Variants in STRN observed in about 807,000 individuals in gnomAD.
STRN encodes protein phosphatase 2 regulatory subunit B'''alpha.
In STRN, 53 loss-of-function variants were observed where a neutral mutation model predicts 96.3. That is an observed-to-expected ratio of 0.55 (90% CI 0.44 to 0.69). STRN has a LOEUF of 0.69. STRN is among the 30% of genes least tolerant of loss of function. STRN has a pLI of 0.00. For missense variants in STRN, 987 were observed against 963.9 expected, an observed-to-expected ratio of 1.02 and a Z score of -0.32; for synonymous variants, 428 against 355.9, an observed-to-expected ratio of 1.20 and a Z score of -2.28.
intron 2 of STRN, among the ~76,000 whole-genome samples, chr2:36,921,570 A>G (rs1289654141): frequency 6.6e-6 from 1 of 152,218 alleles, no homozygotes; most frequent in Non-Finnish European, 1.5e-5. Context: ...AAAGTCTCTC[A>G]TAATTCAGAT....
chr2:36,951,604 T>C (rs1194791690), intron 1 of STRN, among the ~76,000 whole-genome samples: 2 of 152,196 alleles, frequency 1.3e-5, no homozygotes, highest in Admixed American at 1.3e-4. Context: ...GATATACATA[T>C]ATAGACACAT....
intron 6 of STRN, 131 bp downstream of exon 6, chr2:36,899,392 T>C: frequency 1.2e-6 from 1 of 855,150 alleles, no homozygotes; most frequent in South Asian, 3.7e-5. Context: ...CAAACTCTCA[T>C]AAATGTCTCC....
intron 13 of STRN, among the ~76,000 whole-genome samples, chr2:36,859,211 T>G (rs531563455): frequency 1.3e-5 from 2 of 152,240 alleles, no homozygotes; most frequent in African/African-American, 4.8e-5. Context: ...ATCAAGTATG[T>G]ATTTAATAAG....
At chr2:36,861,375 G>T (rs1476005737) in intron 12 of STRN, 122 bp from the exon 13 acceptor site, 3 of 1,244,036 alleles carry the variant, frequency 2.4e-6, no homozygotes, top group African/African-American at 3.0e-5. Context: ...TATAAAAAAT[G>T]AAAACACAGG....
intron 11 of STRN, among the ~76,000 whole-genome samples, chr2:36,868,265 A>T (rs980337808): frequency 6.6e-6 from 1 of 152,256 alleles, no homozygotes; most frequent in Admixed American, 6.5e-5. Context: ...AAAAATGGGA[A>T]TAACACCAAA....
chr2:36,966,127 G>T, intron 1 of STRN, 103 bp downstream of exon 1: 2 of 1,303,966 alleles, frequency 1.5e-6, no homozygotes, highest in South Asian at 1.8e-5. Flanking sequence ...CAGCAAAGGG[G>T]GAGGGGACGC....
chr2:36,867,953 A>T (rs1021540449), intron 11 of STRN, 92 bp from the exon 12 acceptor site: 15 of 980,588 alleles, frequency 1.5e-5, no homozygotes, highest in Admixed American at 7.5e-5. Flanking sequence ...AAATACAAAC[A>T]TTATGGGAAT....
At chr2:36,878,194 G>C in intron 9 of STRN, among the ~76,000 whole-genome samples, 167 bp from the exon 10 acceptor site, 1 of 152,142 alleles carries the variant, frequency 6.6e-6, no homozygotes, top group Non-Finnish European at 1.5e-5. Flanking sequence ...ATAATTTATT[G>C]CTTTTTCCAT....
At chr2:36,882,109 T>C (rs374063847) in intron 9 of STRN, among the ~76,000 whole-genome samples, 1 of 152,144 alleles carries the variant, frequency 6.6e-6, no homozygotes, top group African/African-American at 2.4e-5. Context: ...AAAATTTCAC[T>C]GAAGAAGTAT....
chr2:36,886,859 T>A (rs753848874), intron 7 of STRN, 33 bp from the exon 8 acceptor site: 1 of 1,554,926 alleles, frequency 6.4e-7, no homozygotes, highest in Middle Eastern at 1.7e-4. Context: ...AACAGCCTTT[T>A]TCAATAAAAT....
At chr2:36,934,196 G>A (rs986715719) in intron 1 of STRN, among the ~76,000 whole-genome samples, 1 of 152,096 alleles carries the variant, frequency 6.6e-6, no homozygotes, top group African/African-American at 2.4e-5. Flanking sequence ...CTAAGAAAAT[G>A]GCAGCTCTTA....
chr2:36,890,656 A>C (rs1181337075), intron 7 of STRN, among the ~76,000 whole-genome samples: 1 of 151,590 alleles, frequency 6.6e-6, no homozygotes, highest in Non-Finnish European at 1.5e-5. Context: ...GCTAATTTTC[A>C]TATTTTTAGT....
chr2:36,900,257 AC>A (rs1175354069), intron 5 of STRN, among the ~76,000 whole-genome samples: 3 of 152,100 alleles, frequency 2.0e-5, no homozygotes, highest in African/African-American at 7.2e-5. Flanking sequence ...TTTGATCCTT[AC>A]ACCAACCTTA....
chr2:36,914,416 T>C (rs746338336), intron 3 of STRN, among the ~76,000 whole-genome samples: 59 of 152,364 alleles, frequency 3.9e-4, no homozygotes, highest in Non-Finnish European at 5.9e-4. Context: ...TCAGTTAATA[T>C]AGTTTTAGAA....
intron 1 of STRN, among the ~76,000 whole-genome samples, chr2:36,941,236 T>C (rs918944278): frequency 6.6e-6 from 1 of 152,196 alleles, no homozygotes; most frequent in Non-Finnish European, 1.5e-5. Flanking sequence ...GAATTACATA[T>C]AAAGATTTAT....
At chr2:36,857,062 TG>T (rs1330840526) in intron 14 of STRN, among the ~76,000 whole-genome samples, 1 of 151,506 alleles carries the variant, frequency 6.6e-6, no homozygotes, top group Non-Finnish European at 1.5e-5. Context: ...TTCTTTATAG[TG>T]GTACGAGAAT....
At chr2:36,875,909 G>T (rs1008470400) in intron 10 of STRN, among the ~76,000 whole-genome samples, 1 of 152,006 alleles carries the variant, frequency 6.6e-6, no homozygotes, top group South Asian at 2.1e-4. Context: ...TGCCCGCCTC[G>T]GCCTCCCAAA....
chr2:36,912,938 C>T (rs998091895), intron 3 of STRN, among the ~76,000 whole-genome samples: 5 of 152,160 alleles, frequency 3.3e-5, no homozygotes, highest in Admixed American at 6.5e-5. Context: ...CCTGTGCTTG[C>T]CTTGGCAGCA....
At chr2:36,935,885 T>C (rs1318787412) in intron 1 of STRN, among the ~76,000 whole-genome samples, 1 of 152,202 alleles carries the variant, frequency 6.6e-6, no homozygotes, top group African/African-American at 2.4e-5. Context: ...CCTTTGAACA[T>C]TTTTTTAATT....
Sources: gnomAD v4.1 joint callset for allele counts (sites outside exome capture counted in the v4.1 genomes callset) on GRCh38, gnomAD v4.1.1 for gene constraint, MANE v1.5 for transcripts, NCBI Gene and HGNC (gene_info 2026-07-23, HGNC 2026-07-21) for gene names.